SCAMP2: variants seen among roughly 807,000 people sequenced by gnomAD.
SCAMP2 encodes secretory carrier-associated membrane protein 2.
Under a neutral mutation model 44.1 loss-of-function variants are expected in SCAMP2, and 25 were observed. That is an observed-to-expected ratio of 0.57 (90% CI 0.41 to 0.79). The LOEUF is 0.79. Among genes scored for constraint, SCAMP2 ranks in the 30% least tolerant of loss-of-function variants. The pLI is 0.00. For synonymous variants in SCAMP2, 156 were observed against 166.0 expected (o/e 0.94, Z 0.46); for missense variants, 355 against 411.0 (o/e 0.86, Z 1.18).
intron 1 of SCAMP2, 77 bp downstream of exon 1, chr15:74,873,122 G>C (rs1294322403): frequency 1.6e-6 from 2 of 1,264,102 alleles, no homozygotes. Context: ...ACGTCTCCCG[G>C]CTCTAGCGAG....
chr15:74,847,332 G>T (rs1242321763), intron 7 of SCAMP2, among the ~76,000 whole-genome samples: 3 of 152,152 alleles, frequency 2.0e-5, no homozygotes, highest in African/African-American at 7.2e-5. Flanking sequence ...GACCTCAGGT[G>T]ATCCACCCGC....
At chr15:74,846,297 T>C (rs2064398342) in intron 7 of SCAMP2, among the ~76,000 whole-genome samples, 1 of 150,082 alleles carries the variant, frequency 6.7e-6, no homozygotes, top group Non-Finnish European at 1.5e-5. Context: ...AAAAAAAAAT[T>C]AGCTGGCTGT....
chr15:74,858,288 CT>C (rs1335775182), intron 1 of SCAMP2, among the ~76,000 whole-genome samples: 1 of 152,108 alleles, frequency 6.6e-6, no homozygotes, highest in Non-Finnish European at 1.5e-5. Flanking sequence ...TTTTACTGGC[CT>C]TCCTTGACCT....
At chr15:74,850,975 T>C (rs1428373365) in intron 5 of SCAMP2, among the ~76,000 whole-genome samples, 1 of 152,172 alleles carries the variant, frequency 6.6e-6, no homozygotes, top group African/African-American at 2.4e-5. Flanking sequence ...TTAGCAATGC[T>C]TTTCCCTGGC....
intron 7 of SCAMP2, among the ~76,000 whole-genome samples, chr15:74,846,437 C>A (rs1329420226): frequency 3.3e-4 from 45 of 136,620 alleles, no homozygotes; most frequent in Admixed American, 3.2e-3. Context: ...CAGAGTGAGA[C>A]CCTGTCTCCA....
At chr15:74,870,715 T>C (rs970183263) in intron 1 of SCAMP2, among the ~76,000 whole-genome samples, 10 of 152,198 alleles carry the variant, frequency 6.6e-5, no homozygotes, top group Non-Finnish European at 1.3e-4. Context: ...CTATCAGAAT[T>C]TGCCCTGAGG....
intron 7 of SCAMP2, among the ~76,000 whole-genome samples, chr15:74,846,370 G>A (rs111293990): frequency 0.023 from 3,427 of 150,566 alleles, 96 homozygotes; most frequent in Admixed American, 0.059. Context: ...ACTTGAGCCC[G>A]TGAGGTTCAA....
At chr15:74,860,125 T>C (rs1220498294) in intron 1 of SCAMP2, among the ~76,000 whole-genome samples, 4 of 152,074 alleles carry the variant, frequency 2.6e-5, no homozygotes, top group African/African-American at 9.7e-5. Context: ...AAAAAATAAG[T>C]TTAGGCCTGG....
chr15:74,845,311 C>A, intron 8 of SCAMP2, 94 bp from the exon 9 acceptor site: 1 of 1,579,738 alleles, frequency 6.3e-7, no homozygotes. Context: ...TCACCAGAAG[C>A]CTGGCACTGC....
intron 1 of SCAMP2, among the ~76,000 whole-genome samples, chr15:74,867,441 C>T (rs1379435451): frequency 6.6e-6 from 1 of 152,232 alleles, no homozygotes; most frequent in Non-Finnish European, 1.5e-5. Flanking sequence ...CTCCAGGTGC[C>T]AACCATAAAG....
chr15:74,846,942 CATATTTCTT>C (rs768176838), intron 7 of SCAMP2, among the ~76,000 whole-genome samples: 4 of 152,072 alleles, frequency 2.6e-5, no homozygotes, highest in Admixed American at 6.6e-5. Context: ...GGGATATCCT[CATATTTCTT>C]GACATCAAAA....
chr15:74,855,716 CAAA>C (rs10609131), intron 1 of SCAMP2, among the ~76,000 whole-genome samples: 516 of 84,066 alleles, frequency 6.1e-3, no homozygotes, highest in African/African-American at 0.017. Context: ...AACTCCATCT[CAAA>C]AAAAAAAAAA....
At chr15:74,854,728 G>T in intron 1 of SCAMP2, 79 bp from the exon 2 acceptor site, 1 of 1,293,790 alleles carries the variant, frequency 7.7e-7, no homozygotes, top group South Asian at 1.3e-5. Flanking sequence ...GGTGACGCCT[G>T]ACTGAAGCAG....
intron 1 of SCAMP2, 145 bp downstream of exon 1, chr15:74,873,054 T>C (rs2064587908): frequency 4.5e-6 from 3 of 665,656 alleles, no homozygotes; most frequent in Admixed American, 8.6e-5. Flanking sequence ...CGCGTTACGA[T>C]AGGCCAGACC....
chr15:74,873,044 C>G (rs1425470527), intron 1 of SCAMP2, 155 bp downstream of exon 1: 1 of 609,140 alleles, frequency 1.6e-6, no homozygotes, highest in Non-Finnish European at 2.6e-6. Context: ...GCGCCCCTCA[C>G]GCGTTACGAT....
intron 1 of SCAMP2, among the ~76,000 whole-genome samples, chr15:74,865,828 G>A (rs1223857018): frequency 6.9e-6 from 1 of 145,946 alleles, no homozygotes; most frequent in African/African-American, 2.5e-5. Flanking sequence ...GTGTTTGCCT[G>A]TAGTCCCAGC....
intron 7 of SCAMP2, among the ~76,000 whole-genome samples, chr15:74,845,853 TC>T (rs1373545755): frequency 6.6e-6 from 1 of 152,212 alleles, no homozygotes; most frequent in Non-Finnish European, 1.5e-5. Flanking sequence ...GTTGCTGCCT[TC>T]ACAGAGTCAG....
Position 74,850,620 on chromosome 15 carries a change from C to T in SCAMP2, c.526G>A (p.Gly176Ser). Residue 176 changes from glycine (G) to serine (S), a missense_variant, in exon 6 of 9, where the codon GGC becomes AGC. By Grantham distance (56) the Gly-to-Ser change is moderately conservative. Transcript: ENST00000268099. ...NLLACLAWFSGNSSKGVDFGL... is the reference protein window; with the variant it reads ...NLLACLAWFSSNSSKGVDFGL... ...AAGTCCACTCCCTTGGAGCTGTTGC[C>T]CGAGAACCAGGCCAGGCAGGCAAGC... 1 of 1,614,098 alleles carries T rather than the reference C, an allele frequency of 6.2e-7. No homozygotes were observed.
chr15:74,868,483 T>C (rs2064556568), intron 1 of SCAMP2, among the ~76,000 whole-genome samples: 1 of 152,164 alleles, frequency 6.6e-6, no homozygotes, highest in Non-Finnish European at 1.5e-5. Context: ...GCTGAGCCAA[T>C]GTCTTTTTGT....
Sources: gnomAD v4.1 joint callset for allele counts (sites outside exome capture counted in the v4.1 genomes callset) on GRCh38, gnomAD v4.1.1 for gene constraint, MANE v1.5 for transcripts, NCBI Gene and HGNC (gene_info 2026-07-23, HGNC 2026-07-21) for gene names.